CCSER1: variants seen among roughly 807,000 people sequenced by gnomAD.
CCSER1 encodes the protein coiled-coil serine rich protein 1.
CCSER1 carries 41 observed loss-of-function variants against 82.0 expected under a neutral mutation model. The ratio of observed to expected loss-of-function variants is 0.50; its 90% CI spans 0.39 to 0.65. The LOEUF (loss-of-function observed/expected upper bound fraction) is 0.65, where lower values mean the gene tolerates loss of function less well. Among genes scored for constraint, CCSER1 ranks in the 30% least tolerant of loss-of-function variants. The pLI is 0.00. For synonymous variants in CCSER1, 414 were observed against 383.9 expected (o/e 1.08, Z -0.92); for missense variants, 1,119 against 1,064.2 (o/e 1.05, Z -0.72).
chr4:91,357,887 C>CTTT (rs77874106), intron 10 of CCSER1, among the ~76,000 whole-genome samples: 42 of 55,150 alleles, frequency 7.6e-4, no homozygotes, highest in African/African-American at 2.7e-3. Context: ...CCCCCCCCCC[C>CTTT]TTTTTTTTTT....
chr4:90,217,666 T>C (rs1741327612), intron 1 of CCSER1, among the ~76,000 whole-genome samples: 1 of 152,204 alleles, frequency 6.6e-6, no homozygotes, highest in Non-Finnish European at 1.5e-5. Context: ...ATTTTTTGTC[T>C]TGTTCTGGTT....
intron 6 of CCSER1, among the ~76,000 whole-genome samples, chr4:90,654,345 T>A (rs1051527213): frequency 6.6e-6 from 1 of 152,146 alleles, no homozygotes; most frequent in Non-Finnish European, 1.5e-5. Context: ...AAAAAAGGAA[T>A]CCTTATTACT....
Position 90,320,565 on chromosome 4 carries a change from A to G in CCSER1, c.1509+7518A>G, listed in dbSNP as rs949256809. 9.2e-5 allele frequency among the ~76,000 whole-genome samples: 14 copies of G among 152,260 alleles called. No homozygotes were observed. The East Asian group carries it at 9.6e-4, about 10-fold the overall frequency. ...CAATGAGGACAAGAAATAGTCAAAT[A>G]TTTGTGGTATTCATTAAGCCCATTA... On this transcript the variant is annotated intron_variant, in intron 3 of 10. Transcript: ENST00000509176.
At chr4:91,375,342 G>A (rs75620311) in intron 10 of CCSER1, among the ~76,000 whole-genome samples, 2,989 of 152,240 alleles carry the variant, frequency 0.02, 77 homozygotes, top group African/African-American at 0.067. Context: ...ATGACCAGAA[G>A]TAAATTAGAA....
chr4:91,464,923 A>G (rs1756777063), intron 10 of CCSER1, among the ~76,000 whole-genome samples: 1 of 152,132 alleles, frequency 6.6e-6, no homozygotes, highest in Non-Finnish European at 1.5e-5. Context: ...TTAACATCCC[A>G]CTGTCAGTAT....
Position 91,599,312 on chromosome 4 carries a change from C to A in CCSER1, c.*255C>A, listed in dbSNP as rs1764727500. 1 of 355,310 alleles carries A rather than the reference C, an allele frequency of 2.8e-6. No individual in the cohort carries two copies. Among genetic ancestry groups the A allele is most frequent in the African/African-American group, 2.1e-5 (1 of 47,742 alleles). 22.0% of individuals were successfully genotyped at this position (355,310 alleles called of 1,614,324 possible). A position where few individuals can be genotyped will look rare whatever the true frequency, so the allele number is the denominator to read the frequency against. On this transcript the variant is annotated 3_prime_UTR_variant, in exon 11 of 11. Coordinates refer to ENST00000509176, the MANE Select transcript of CCSER1 (RefSeq NM_001145065.2). ...CTATATAGGTGTATAATAAATGGGA[C>A]CATCATGATCGTTTATATAGTCCAT...
At chr4:90,455,129 C>T (rs760363074) in intron 4 of CCSER1, among the ~76,000 whole-genome samples, 8 of 152,302 alleles carry the variant, frequency 5.3e-5, no homozygotes, top group Non-Finnish European at 8.8e-5. Context: ...GTCCGAACTT[C>T]CCTGCAAGGC....
At chr4:90,282,983 T>C (rs1262035807) in intron 1 of CCSER1, among the ~76,000 whole-genome samples, 2 of 152,026 alleles carry the variant, frequency 1.3e-5, no homozygotes, top group African/African-American at 4.8e-5. Context: ...ACAAAATGAT[T>C]GTGATACTGC....
intron 5 of CCSER1, among the ~76,000 whole-genome samples, chr4:90,576,741 T>C (rs565687203): frequency 6.6e-6 from 1 of 152,198 alleles, no homozygotes; most frequent in Admixed American, 6.5e-5. Flanking sequence ...TGTCTAGATA[T>C]ACTACAGTTG....
intron 10 of CCSER1, among the ~76,000 whole-genome samples, chr4:91,594,305 GTA>G (rs1764416923): frequency 6.7e-6 from 1 of 148,370 alleles, no homozygotes. Context: ...ATATGTATAT[GTA>G]TATGTGTATA....
chr4:91,229,042 G>A (rs1039727278), intron 10 of CCSER1, among the ~76,000 whole-genome samples: 24 of 152,110 alleles, frequency 1.6e-4, no homozygotes, highest in African/African-American at 2.9e-4. Flanking sequence ...GCTGTAGAGC[G>A]GGCCAATGAT....
chr4:90,924,014 A>G (rs1211104293), intron 9 of CCSER1, among the ~76,000 whole-genome samples: 2 of 152,202 alleles, frequency 1.3e-5, no homozygotes, highest in Non-Finnish European at 2.9e-5. Flanking sequence ...TATTACATCT[A>G]GTAACACTGG....
intron 10 of CCSER1, among the ~76,000 whole-genome samples, chr4:91,191,689 A>C (rs1045382716): frequency 6.6e-6 from 1 of 152,198 alleles, no homozygotes; most frequent in Non-Finnish European, 1.5e-5. Flanking sequence ...TGACAATAGT[A>C]ATAACAGTGC....
chr4:91,373,706 G>T (rs1300372725), intron 10 of CCSER1, among the ~76,000 whole-genome samples: 7 of 152,100 alleles, frequency 4.6e-5, no homozygotes, highest in Non-Finnish European at 8.8e-5. Flanking sequence ...ACAGTCACAG[G>T]TCTCTCACTT....
chr4:90,578,316 CT>C (rs1270743912), intron 5 of CCSER1, among the ~76,000 whole-genome samples: 1 of 152,102 alleles, frequency 6.6e-6, no homozygotes. Flanking sequence ...GACCACTTTT[CT>C]TTCTGCAAGC....
chr4:90,478,777 G>C (rs1765467756), intron 5 of CCSER1, among the ~76,000 whole-genome samples: 1 of 136,504 alleles, frequency 7.3e-6, no homozygotes, highest in Non-Finnish European at 1.5e-5. Flanking sequence ...GTCTTGCTGT[G>C]TTGCCCAGGC....
intron 10 of CCSER1, among the ~76,000 whole-genome samples, chr4:91,527,438 T>A (rs1167475785): frequency 1.3e-5 from 2 of 152,166 alleles, no homozygotes; most frequent in African/African-American, 4.8e-5. Context: ...TTGTTACCAA[T>A]GCACAATATA....
At chr4:90,765,882 G>A (rs903682215) in intron 7 of CCSER1, among the ~76,000 whole-genome samples, 2 of 152,134 alleles carry the variant, frequency 1.3e-5, no homozygotes, top group Non-Finnish European at 2.9e-5. Flanking sequence ...TACTGAATAG[G>A]AGAAGGCTAT....
chr4:91,541,426 T>C (rs1346378997), intron 10 of CCSER1, among the ~76,000 whole-genome samples: 3 of 152,194 alleles, frequency 2.0e-5, no homozygotes, highest in Non-Finnish European at 2.9e-5. Context: ...CCCCTTCCTG[T>C]GTCCAAGTGT....
Sources: gnomAD v4.1 joint callset for allele counts (sites outside exome capture counted in the v4.1 genomes callset) on GRCh38, gnomAD v4.1.1 for gene constraint, MANE v1.5 for transcripts, NCBI Gene and HGNC (gene_info 2026-07-23, HGNC 2026-07-21) for gene names.